The following DCAF16 variants were observed in gnomAD, a reference collection of about 807,000 sequenced individuals.
The protein encoded by DCAF16 is DDB1- and CUL4-associated factor 16.
Under a neutral mutation model 17.3 loss-of-function variants are expected in DCAF16, and 10 were observed. The observed-to-expected ratio is 0.58, with a 90% CI of 0.36 to 0.98. DCAF16 has a LOEUF of 0.98. Ranked by LOEUF, DCAF16 falls within the 50% of genes least tolerant of loss-of-function variation. The pLI is 0.01. For synonymous variants in DCAF16, 111 were observed against 92.8 expected, an observed-to-expected ratio of 1.20 and a Z score of -1.12; for missense variants, 249 against 247.6, an observed-to-expected ratio of 1.01 and a Z score of -0.04.
the DCAF16 span, among the ~76,000 whole-genome samples, chr4:17,795,558 T>C: frequency 1.3e-5 from 2 of 152,336 alleles, no homozygotes; most frequent in South Asian, 2.1e-4. Flanking sequence ...TTTTCATCTC[T>C]TTGTTCTACT....
In DCAF16 at chr4:17,801,697, A is replaced by G. The variant is rs978632119; in HGVS notation, c.*1794T>C. 1.3e-5 allele frequency: 2 copies of G among 152,196 alleles called. No homozygotes were observed. The highest frequency in any genetic ancestry group is 4.8e-5 in the African/African-American group (2 of 41,454). The allele number at this position is 152,196 out of a possible 1,614,324, so 9.4% of individuals were successfully genotyped here. On this transcript the variant is annotated 3_prime_UTR_variant, in exon 3 of 3. Transcript: ENST00000382247. Reference sequence around the variant, plus strand: ...TATTTAAATAAACAAAACAAGACTCATTTACAAGGGCATATACTCTTCCTT... The same window carrying G: ...TATTTAAATAAACAAAACAAGACTCGTTTACAAGGGCATATACTCTTCCTT...
rs1228199277 is a variant in DCAF16, at chr4:17,803,855, C to G, written c.287G>C (p.Arg96Thr). Reference sequence around the variant, plus strand: ...GACACAATGGGAACAATGGGAGAGTCTTAGACCTATCTCTCGAAGTATATG... The same window carrying G: ...GACACAATGGGAACAATGGGAGAGTGTTAGACCTATCTCTCGAAGTATATG... ...PVHILREIGL[R>T]LSHCSHCVPK... Residue 96 changes from arginine to threonine, a missense_variant, in exon 3 of 3, where the codon AGA (arginine) becomes ACA (threonine). Physicochemically the swap from Arg to Thr is moderately conservative, Grantham distance 71 (BLOSUM62 -1). Coordinates refer to ENST00000382247, the MANE Select transcript of DCAF16 (RefSeq NM_017741.4). The G allele has an allele frequency of 6.2e-6, 10 of 1,614,064 alleles. No homozygotes were observed. The African/African-American group carries it at 1.2e-4, about 19-fold the overall frequency.
chr4:17,794,438 T>G, the DCAF16 span, among the ~76,000 whole-genome samples: 2 of 152,140 alleles, frequency 1.3e-5, no homozygotes, highest in African/African-American at 4.8e-5. Context: ...ACTCAAAAAG[T>G]TTTGGATTTT....
downstream of DCAF16, among the ~76,000 whole-genome samples, chr4:17,795,736 T>C (rs1017241690): frequency 6.6e-6 from 1 of 152,236 alleles, no homozygotes; most frequent in African/African-American, 2.4e-5. Context: ...ACAGCTTCTT[T>C]ATGTTCATCT....
At position 17,810,689 on chromosome 4, in the gene DCAF16, T is replaced by TA. The variant is rs1560218520; in HGVS notation, c.-993dup. ...CTCAGCCGCACGACCCAGCCAGGCC[T>TA]AACGCCAGCAGCCCTTCCCCTCCGG... On this transcript the variant is annotated 5_prime_UTR_variant, in exon 1 of 3. Coordinates refer to ENST00000382247, the MANE Select transcript of DCAF16 (RefSeq NM_017741.4). 2 of 171,802 alleles carry TA rather than the reference T, an allele frequency of 1.2e-5. No individual in the cohort carries two copies. The highest frequency in any genetic ancestry group is 3.8e-4 in the South Asian group (2 of 5,276). 10.6% of individuals were successfully genotyped at this position (171,802 alleles called of 1,614,324 possible).
downstream of DCAF16, among the ~76,000 whole-genome samples, chr4:17,796,884 G>T (rs1009715827): frequency 2.6e-5 from 4 of 152,146 alleles, no homozygotes; most frequent in South Asian, 4.1e-4. Context: ...ACAGTTCTAA[G>T]AAATAAATAA....
At chr4:17,795,731 T>C (rs1286374971), downstream of DCAF16, among the ~76,000 whole-genome samples, 3 of 152,232 alleles carry the variant, frequency 2.0e-5, no homozygotes, top group African/African-American at 7.2e-5. Context: ...ATATCACAGC[T>C]TCTTTATGTT....
At chr4:17,809,128 A>G (rs1720614336) in intron 1 of DCAF16, among the ~76,000 whole-genome samples, 1 of 152,200 alleles carries the variant, frequency 6.6e-6, no homozygotes, top group Admixed American at 6.5e-5. Context: ...AATATCTACA[A>G]AGTTTGAGGA....
chr4:17,803,472 C>G lies in DCAF16; in HGVS notation c.*19G>C. 6.2e-7 allele frequency: 1 copy of G among 1,603,238 alleles called. No homozygotes were observed. Among genetic ancestry groups the G allele is most frequent in the Non-Finnish European group, 8.5e-7 (1 of 1,172,420 alleles). On this transcript the variant is annotated 3_prime_UTR_variant, in exon 3 of 3. Transcript: ENST00000382247. ...TCTCAATTAGCAACATCAGAGATAT[C>G]AGAGCAAATGGTAGATCTTTACAGT...
Position 17,803,283 on chromosome 4 carries a change from C to G in DCAF16, c.*208G>C, listed in dbSNP as rs757529352. ...CAGCAGATCCACCCGCCTCAGCCTC[C>G]CAAAGTGCTGGGATTACAGGTGTGA... On this transcript the variant is annotated 3_prime_UTR_variant, in exon 3 of 3. Transcript: ENST00000382247. The G allele has an allele frequency of 1.8e-5, 10 of 553,720 alleles. No homozygotes were observed. In the Admixed American group the frequency reaches 2.3e-4, roughly 13 times the overall value. 34.3% of individuals were successfully genotyped at this position (553,720 alleles called of 1,614,324 possible).
rs747228453 is a variant in DCAF16 at position 17,803,614 on chromosome 4, C to T, written c.528G>A (p.Gly176=). 21 of 1,614,068 alleles carry T rather than the reference C, an allele frequency of 1.3e-5. No individual in the cohort carries two copies. The South Asian group carries it at 2.1e-4, about 16-fold the overall frequency. Residue 176 remains glycine (G), a synonymous_variant, in exon 3 of 3, where the codon GGG becomes GGA. Coordinates refer to ENST00000382247, the MANE Select transcript of DCAF16 (RefSeq NM_017741.4). ...LKQIPNSCVS[G]CCCGWLTKTV... Reference sequence around the variant, plus strand: ...TTTTAGTCAGCCAGCCACAGCAACACCCAGAAACACATGAATTAGGGATCT... The same window carrying T: ...TTTTAGTCAGCCAGCCACAGCAACATCCAGAAACACATGAATTAGGGATCT...
chr4:17,804,123 A>AG lies in DCAF16; in HGVS notation c.18dup (p.Ser7LeufsTer3), dbSNP rs1324628227. ...TCTGATTCTGACAAGTGGTCAGGAGAGGGATTTCTAGGACCCATCAGAATA... is the reference window on the plus strand; with the variant it reads ...TCTGATTCTGACAAGTGGTCAGGAGAGGGGATTTCTAGGACCCATCAGAATA... On this transcript the variant is annotated frameshift_variant, in exon 3 of 3. Coordinates refer to ENST00000382247, the MANE Select transcript of DCAF16 (RefSeq NM_017741.4). LOFTEE classifies it high-confidence loss of function. The AG allele has an allele frequency of 1.9e-6, 3 of 1,613,534 alleles. No homozygotes were observed. The highest frequency in any genetic ancestry group is 1.7e-5 in the Admixed American group (1 of 59,902).
Position 17,803,694 on chromosome 4 carries a change from T to A in DCAF16, c.448A>T (p.Lys150Ter), listed in dbSNP as rs1720013707. Residue 150 changes from lysine to a stop codon, truncating the protein, a stop_gained, in exon 3 of 3, where the codon AAA becomes TAA. Transcript: ENST00000382247. LOFTEE classifies it high-confidence loss of function. ...TLNGALQFAT[K>*]QLSRTLSRAT... ...CTACTCAATGTTCGGCTTAGCTGTT[T>A]GGTGGCAAATTGCAGTGCTCCATTT... 24 of 1,614,072 alleles carry A rather than the reference T, an allele frequency of 1.5e-5. No homozygotes were observed. The highest frequency in any genetic ancestry group is 2.0e-5 in the Non-Finnish European group (24 of 1,180,034).
downstream of DCAF16, among the ~76,000 whole-genome samples, chr4:17,800,205 T>C (rs1277986146): frequency 1.3e-5 from 2 of 151,964 alleles, no homozygotes; most frequent in African/African-American, 4.8e-5. Flanking sequence ...ACAGTTAATG[T>C]CCACTGGTTT....
At chr4:17,806,982 A>G (rs1319256366) in intron 1 of DCAF16, among the ~76,000 whole-genome samples, 2 of 152,190 alleles carry the variant, frequency 1.3e-5, no homozygotes, top group African/African-American at 4.8e-5. Flanking sequence ...AAAAAAAGTA[A>G]AACTGTATTG....
chr4:17,793,844 G>A, the DCAF16 span, among the ~76,000 whole-genome samples: 136 of 152,198 alleles, frequency 8.9e-4, no homozygotes, highest in African/African-American at 3.1e-3. Flanking sequence ...GTATATTTGT[G>A]ATTTCTTACT....
rs948077272 is a variant in DCAF16, at chr4:17,801,807, A to G, written c.*1684T>C. 7.9e-5 allele frequency: 12 copies of G among 152,188 alleles called. No homozygotes were observed. Among genetic ancestry groups the G allele is most frequent in the African/African-American group, 2.4e-4 (10 of 41,444 alleles). 9.4% of individuals were successfully genotyped at this position (152,188 alleles called of 1,614,324 possible). ...CTTAACTTCAGATTGTATTAGGCTG[A>G]GATTTTCTAATAACAAGGTTCTTTA... On this transcript the variant is annotated 3_prime_UTR_variant, in exon 3 of 3. Coordinates refer to ENST00000382247, the MANE Select transcript of DCAF16 (RefSeq NM_017741.4).
chr4:17,809,608 C>T (rs960698273), intron 1 of DCAF16: 2 of 152,150 alleles, frequency 1.3e-5, no homozygotes, highest in African/African-American at 2.4e-5. Flanking sequence ...ATTTCTTCAG[C>T]TGGCAGTAGG....
At chr4:17,795,840 C>A (rs948258032), downstream of DCAF16, among the ~76,000 whole-genome samples, 1 of 152,174 alleles carries the variant, frequency 6.6e-6, no homozygotes, top group Non-Finnish European at 1.5e-5. Context: ...AAGGAGCAGG[C>A]CTTGTGGACT....
Sources: gnomAD v4.1 joint callset for allele counts (sites outside exome capture counted in the v4.1 genomes callset) on GRCh38, gnomAD v4.1.1 for gene constraint, MANE v1.5 for transcripts, NCBI Gene and HGNC (gene_info 2026-07-23, HGNC 2026-07-21) for gene names.